BLK: variants seen among roughly 807,000 people sequenced by gnomAD.
BLK encodes the protein tyrosine-protein kinase Blk.
In BLK, 64 loss-of-function variants were observed where a neutral mutation model predicts 61.8. The ratio of observed to expected loss-of-function variants is 1.03; its 90% CI spans 0.85 to 1.27. The LOEUF (loss-of-function observed/expected upper bound fraction) is 1.27. Ranked by LOEUF, BLK falls within the 50% of genes most tolerant of loss-of-function variation. The pLI, the probability that BLK is intolerant of heterozygous loss-of-function variation, is 0.00. For missense variants in BLK, 853 were observed against 660.5 expected, an observed-to-expected ratio of 1.29 and a Z score of -3.19; for synonymous variants, 351 against 272.0, an observed-to-expected ratio of 1.29 and a Z score of -2.86.
chr8:11,520,312 A>C (rs1053747192), intron 1 of BLK, among the ~76,000 whole-genome samples: 2 of 151,810 alleles, frequency 1.3e-5, no homozygotes, highest in African/African-American at 4.8e-5. Context: ...ACCTCCCTCT[A>C]TAAAATTTAC....
chr8:11,524,199 A>G (rs928626975), intron 1 of BLK, among the ~76,000 whole-genome samples: 2 of 152,214 alleles, frequency 1.3e-5, no homozygotes, highest in African/African-American at 2.4e-5. Flanking sequence ...TTTATATATA[A>G]TTTATACTGT....
At chr8:11,537,568 G>T (rs1386679567) in intron 1 of BLK, among the ~76,000 whole-genome samples, 3 of 152,144 alleles carry the variant, frequency 2.0e-5, no homozygotes, top group Non-Finnish European at 2.9e-5. Flanking sequence ...AGGGCCACAG[G>T]TGCACCTGTT....
intron 2 of BLK, among the ~76,000 whole-genome samples, chr8:11,545,235 T>C (rs1283404082): frequency 1.3e-5 from 2 of 152,120 alleles, no homozygotes; most frequent in Admixed American, 6.6e-5. Flanking sequence ...GTCATGAGGG[T>C]TAGTTCCACG....
intron 1 of BLK, among the ~76,000 whole-genome samples, chr8:11,524,865 TAAAAGCAGGTCGC>T (rs1477211924): frequency 1.4e-5 from 2 of 145,526 alleles, no homozygotes; most frequent in African/African-American, 5.1e-5. Flanking sequence ...TACGCTCTGC[TAAAAGCAGGTCGC>T]AAAACAGGAT....
At position 11,549,056 on chromosome 8, in the gene BLK, T is replaced by C; in HGVS notation, c.302T>C (p.Val101Ala). The C allele has an allele frequency of 1.2e-6, 2 of 1,611,304 alleles. No homozygotes were observed. The highest frequency in any genetic ancestry group is 3.4e-5 in the Admixed American group (2 of 59,700). Residue 101 changes from valine (V) to alanine (A), a missense_variant, in exon 5 of 13, where the codon GTC becomes GCC. By Grantham distance (64) the Val-to-Ala change is moderately conservative. Transcript: ENST00000259089. Reference protein sequence around the residue: ...TGDWWLARSLVTGREGYVPSN... With the variant: ...TGDWWLARSLATGREGYVPSN... ...GACTGGTGGCTGGCCAGGTCACTCG[T>C]CACAGGAAGAGAAGGCTATGTGCCC...
chr8:11,558,955 C>T (rs1366179889), intron 10 of BLK: 6 of 456,224 alleles, frequency 1.3e-5, no homozygotes, highest in Non-Finnish European at 2.2e-5. Flanking sequence ...CGCCTTTTTC[C>T]GCTGAGGTGG....
At chr8:11,496,289 G>A (rs1798356025) in intron 1 of BLK, among the ~76,000 whole-genome samples, 1 of 152,138 alleles carries the variant, frequency 6.6e-6, no homozygotes, top group Admixed American at 6.5e-5. Flanking sequence ...CCAGGCTGGA[G>A]TGCAGTGGCA....
intron 12 of BLK, 28 bp from the exon 13 acceptor site, chr8:11,563,875 C>A: frequency 2.5e-6 from 4 of 1,594,788 alleles, no homozygotes; most frequent in Non-Finnish European, 3.4e-6. Context: ...CAGCCCCTCA[C>A]CCCCGCTTGC....
rs568751940 is a variant in BLK at position 11,535,411 on chromosome 8, C to A, written c.-1-7813C>A. On this transcript the variant is annotated intron_variant, in intron 1 of 12. Transcript: ENST00000259089. ...GCTGTGAATGACTGTAGCACACACT[C>A]TACAATCCAGCAATGGAAAAGCTTT... Among the ~76,000 whole-genome samples the A allele has an allele frequency of 8.3e-4, 127 of 152,374 alleles. 1 individual carries two copies. The highest frequency in any genetic ancestry group is 6.4e-3 in the Admixed American group (98 of 15,310).
At chr8:11,508,492 G>T (rs558403689) in intron 1 of BLK, among the ~76,000 whole-genome samples, 2 of 152,204 alleles carry the variant, frequency 1.3e-5, no homozygotes, top group Admixed American at 6.5e-5. Flanking sequence ...GCCCCCTCTT[G>T]GTGAGCCACA....
rs756853298 is a variant in BLK, at chr8:11,556,755, T to C, written c.870T>C (p.Ala290=). Residue 290 remains alanine, a synonymous_variant, in exon 9 of 13, where the codon GCT becomes GCC. Coordinates refer to ENST00000259089, the MANE Select transcript of BLK (RefSeq NM_001715.3). ...AFLGEANVMK[A]LQHERLVRLY... ...TGGGTGAGGCCAACGTGATGAAGGC[T>C]CTGCAGCACGAGCGGCTGGTCCGAC... 7.4e-6 allele frequency: 12 copies of C among 1,614,076 alleles called. No individual in the cohort carries two copies. The South Asian group carries it at 1.2e-4, about 16-fold the overall frequency.
chr8:11,564,224 G>A lies in BLK; in HGVS notation c.*116G>A, dbSNP rs1801624489. 7 of 1,266,688 alleles carry A rather than the reference G, an allele frequency of 5.5e-6. No homozygotes were observed. In the East Asian group the frequency reaches 1.8e-4, roughly 32 times the overall value. The allele number at this position is 1,266,688 out of a possible 1,614,324, so 78.5% of individuals were successfully genotyped here. A position where few individuals can be genotyped will look rare whatever the true frequency, so the allele number is the denominator to read the frequency against. ...CGCCTGTGCCCTTTTCTCAGACCCG[G>A]AATCCAGTGGGCAGAGGCAGCTTCG... On this transcript the variant is annotated 3_prime_UTR_variant, in exon 13 of 13. Transcript: ENST00000259089.
At chr8:11,560,176 T>C (rs1334029115) in intron 10 of BLK, among the ~76,000 whole-genome samples, 1 of 56,136 alleles carries the variant, frequency 1.8e-5, no homozygotes, top group Non-Finnish European at 3.4e-5. Flanking sequence ...GGTGGATGGA[T>C]GGATGCATGG....
intron 1 of BLK, among the ~76,000 whole-genome samples, chr8:11,531,663 A>T (rs1413872659): frequency 6.6e-6 from 1 of 152,152 alleles, no homozygotes; most frequent in African/African-American, 2.4e-5. Context: ...TAAGTTTCAT[A>T]GTCTTTCTGG....
intron 1 of BLK, among the ~76,000 whole-genome samples, chr8:11,520,697 A>G (rs1482050220): frequency 6.6e-6 from 1 of 152,120 alleles, no homozygotes; most frequent in African/African-American, 2.4e-5. Context: ...TGTTTTGGGA[A>G]TTCTTGCCAG....
intron 1 of BLK, among the ~76,000 whole-genome samples, chr8:11,512,686 CAG>C (rs1350421102): frequency 7.9e-6 from 1 of 126,372 alleles, no homozygotes; most frequent in East Asian, 3.5e-4. Context: ...TTGTTTGAGA[CAG>C]AGTCTTGCTC....
intron 1 of BLK, among the ~76,000 whole-genome samples, chr8:11,540,987 C>T (rs946177773): frequency 6.6e-6 from 1 of 152,048 alleles, no homozygotes; most frequent in African/African-American, 2.4e-5. Flanking sequence ...CAAATAGGGC[C>T]GAGTGTGATG....
intron 10 of BLK, chr8:11,560,989 C>T (rs1801480662): frequency 1.8e-6 from 1 of 557,104 alleles, no homozygotes; most frequent in African/African-American, 1.9e-5. Context: ...CCTCCCTCTC[C>T]TTTTCTCCTG....
intron 1 of BLK, among the ~76,000 whole-genome samples, chr8:11,502,544 T>C (rs1012869990): frequency 2.6e-5 from 4 of 152,188 alleles, no homozygotes; most frequent in African/African-American, 7.2e-5. Flanking sequence ...CAGTTCGGCC[T>C]CCCAAACTGC....
Sources: gnomAD v4.1 joint callset for allele counts (sites outside exome capture counted in the v4.1 genomes callset) on GRCh38, gnomAD v4.1.1 for gene constraint, MANE v1.5 for transcripts, NCBI Gene and HGNC (gene_info 2026-07-23, HGNC 2026-07-21) for gene names.